The following SEMA4B variants were observed in gnomAD, a reference collection of about 807,000 sequenced individuals.
SEMA4B encodes the protein semaphorin-4B.
A neutral mutation model predicts 88.1 loss-of-function variants in SEMA4B; 55 were observed. That is an observed-to-expected ratio of 0.62 (90% CI 0.50 to 0.78). The LOEUF (loss-of-function observed/expected upper bound fraction) is 0.78, where lower values mean the gene tolerates loss of function less well. Ranked by LOEUF, SEMA4B falls within the 30% of genes least tolerant of loss-of-function variation. SEMA4B has a pLI of 0.00. For synonymous variants in SEMA4B, 525 were observed against 473.6 expected (o/e 1.11, Z -1.41); for missense variants, 1,062 against 1,111.9 (o/e 0.96, Z 0.64).
At chr15:90,218,060 G>A (rs567193515) in intron 3 of SEMA4B, 1 of 495,374 alleles carries the variant, frequency 2.0e-6, no homozygotes, top group East Asian at 3.6e-5. Flanking sequence ...CCTGTAAAAT[G>A]GGGATAATGA....
chr15:90,188,498 C>T (rs543517841), intron 1 of SEMA4B, among the ~76,000 whole-genome samples: 2 of 151,320 alleles, frequency 1.3e-5, no homozygotes, highest in Admixed American at 6.6e-5. Flanking sequence ...CATGGTGGCG[C>T]ATGCCTGTAA....
intron 1 of SEMA4B, among the ~76,000 whole-genome samples, chr15:90,195,924 C>CTTTTTTTTTTTTTTTTT (rs776885861): frequency 1.3e-5 from 1 of 76,664 alleles, no homozygotes; most frequent in African/African-American, 4.3e-5. Flanking sequence ...TTGTACTTCT[C>CTTTTTTTTTTTTTTTTT]TTTTTTTTTT....
In SEMA4B at chr15:90,223,690, C is replaced by T. The variant is rs377558379; in HGVS notation, c.993C>T (p.Ser331=). The change falls in exon 8 of 14, where the codon AGC becomes AGT. Residue 331 remains serine, a synonymous_variant. Coordinates refer to ENST00000411539, the MANE Select transcript of SEMA4B (RefSeq NM_198925.4). ...AGGATGTCTTCACGCTGAGCCCCAGCCCCCAGGACTGGCGTGACACCCTTT... is the reference window on the plus strand; with the variant it reads ...AGGATGTCTTCACGCTGAGCCCCAGTCCCCAGGACTGGCGTGACACCCTTT... ...VLQDVFTLSP[S]PQDWRDTLFY... 4.3e-6 allele frequency: 7 copies of T among 1,612,636 alleles called. No individual in the cohort carries two copies. The highest frequency in any genetic ancestry group is 3.3e-5 in the South Asian group (3 of 90,970).
At chr15:90,200,553 T>C (rs1027276543), upstream of SEMA4B, among the ~76,000 whole-genome samples, 5 of 152,220 alleles carry the variant, frequency 3.3e-5, no homozygotes, top group South Asian at 2.1e-4. Flanking sequence ...AAACCCCTGG[T>C]CTCAGCAGAG....
At chr15:90,189,548 T>G (rs982437447) in intron 1 of SEMA4B, among the ~76,000 whole-genome samples, 2 of 152,228 alleles carry the variant, frequency 1.3e-5, no homozygotes, top group South Asian at 4.1e-4. Context: ...CAATAAATAT[T>G]AATTAGCTAT....
At chr15:90,220,600 A>C (rs1596150703) in intron 4 of SEMA4B, among the ~76,000 whole-genome samples, 1 of 150,720 alleles carries the variant, frequency 6.6e-6, no homozygotes, top group East Asian at 2.0e-4. Flanking sequence ...TGATCTCCTG[A>C]CCTCGTGATC....
At chr15:90,186,400 A>G (rs1010905858) in intron 1 of SEMA4B, among the ~76,000 whole-genome samples, 1 of 142,270 alleles carries the variant, frequency 7.0e-6, no homozygotes, top group Non-Finnish European at 1.5e-5. Context: ...CAGGCGGATC[A>G]CCTGAGCTCA....
chr15:90,211,766 C>G (rs1234340645), intron 1 of SEMA4B, among the ~76,000 whole-genome samples: 1 of 152,184 alleles, frequency 6.6e-6, no homozygotes, highest in Non-Finnish European at 1.5e-5. Flanking sequence ...CGCCCAGACC[C>G]CTCTCTGAGA....
chr15:90,209,843 G>A (rs977069036), intron 1 of SEMA4B, among the ~76,000 whole-genome samples: 1 of 151,948 alleles, frequency 6.6e-6, no homozygotes, highest in Non-Finnish European at 1.5e-5. Context: ...GAGAGAATTG[G>A]GCCCTTGAGT....
intron 1 of SEMA4B, chr15:90,193,102 C>T (rs1960394253): frequency 6.6e-6 from 1 of 152,360 alleles, no homozygotes. Flanking sequence ...TTCTCTTCGT[C>T]TCTTATTTTG....
chr15:90,192,789 C>T (rs1469463596), intron 1 of SEMA4B, among the ~76,000 whole-genome samples: 1 of 152,036 alleles, frequency 6.6e-6, no homozygotes, highest in African/African-American at 2.4e-5. Flanking sequence ...TGGGGTTTTG[C>T]CATATTGGCC....
intron 4 of SEMA4B, 111 bp from the exon 5 acceptor site, chr15:90,220,871 C>T (rs1654346125): frequency 1.4e-6 from 1 of 702,336 alleles, no homozygotes; most frequent in Admixed American, 2.1e-5. Flanking sequence ...CTGTCCCACA[C>T]ACCTCACCTG....
At chr15:90,227,210 G>C (rs1962215792) in intron 12 of SEMA4B, 1 of 245,450 alleles carries the variant, frequency 4.1e-6, no homozygotes, top group African/African-American at 2.3e-5. Context: ...ACCATGCCTG[G>C]CTAATTTTTC....
At chr15:90,208,540 A>G (rs1414655692) in intron 1 of SEMA4B, among the ~76,000 whole-genome samples, 1 of 152,090 alleles carries the variant, frequency 6.6e-6, no homozygotes, top group African/African-American at 2.4e-5. Flanking sequence ...ACTGCCACGT[A>G]CTGTGTTTAT....
At chr15:90,198,224 C>G (rs996276657), upstream of SEMA4B, among the ~76,000 whole-genome samples, 1 of 152,084 alleles carries the variant, frequency 6.6e-6, no homozygotes, top group Non-Finnish European at 1.5e-5. Context: ...GCTGGTAAAA[C>G]TCTTTATTGG....
At chr15:90,210,833 A>C (rs541479389) in intron 1 of SEMA4B, among the ~76,000 whole-genome samples, 1 of 152,112 alleles carries the variant, frequency 6.6e-6, no homozygotes, top group African/African-American at 2.4e-5. Context: ...CTGAGGCCCA[A>C]CTTCTGTGGA....
chr15:90,210,900 G>T (rs532875113), intron 1 of SEMA4B, among the ~76,000 whole-genome samples: 1 of 152,316 alleles, frequency 6.6e-6, no homozygotes, highest in South Asian at 2.1e-4. Flanking sequence ...CTCTTTGGGA[G>T]CTTGTCTAAG....
intron 1 of SEMA4B, among the ~76,000 whole-genome samples, chr15:90,208,283 A>G (rs1004509094): frequency 6.6e-6 from 1 of 152,086 alleles, no homozygotes; most frequent in Non-Finnish European, 1.5e-5. Flanking sequence ...AAAAATTTTA[A>G]TTAGTTGCTG....
At chr15:90,186,825 C>T (rs1242758615) in intron 1 of SEMA4B, among the ~76,000 whole-genome samples, 7 of 151,760 alleles carry the variant, frequency 4.6e-5, no homozygotes, top group African/African-American at 1.7e-4. Context: ...CCCAGCTACT[C>T]GCGAGGCTGA....
Sources: gnomAD v4.1 joint callset for allele counts (sites outside exome capture counted in the v4.1 genomes callset) on GRCh38, gnomAD v4.1.1 for gene constraint, MANE v1.5 for transcripts, NCBI Gene and HGNC (gene_info 2026-07-23, HGNC 2026-07-21) for gene names.